Variants in KNSTRN observed in about 807,000 individuals in gnomAD.
KNSTRN encodes small kinetochore-associated protein.
A neutral mutation model predicts 44.7 loss-of-function variants in KNSTRN; 38 were observed. That is an observed-to-expected ratio of 0.85 (90% confidence interval 0.66 to 1.11). The LOEUF (loss-of-function observed/expected upper bound fraction) is 1.11, where lower values mean the gene tolerates loss of function less well. Among genes scored for constraint, KNSTRN ranks in the 50% most tolerant of loss-of-function variants. The pLI, the probability that KNSTRN is intolerant of heterozygous loss-of-function variation, is 0.00. For synonymous variants in KNSTRN, 158 were observed against 148.1 expected, an observed-to-expected ratio of 1.07 and a Z score of -0.48; for missense variants, 406 against 375.8, an observed-to-expected ratio of 1.08 and a Z score of -0.66.
Position 40,393,834 on chromosome 15 carries a change from A to G in KNSTRN, c.*237A>G. 3.1e-6 allele frequency: 1 copy of G among 322,142 alleles called. No individual in the cohort carries two copies. Among genetic ancestry groups the G allele is most frequent in the Non-Finnish European group, 5.8e-6 (1 of 172,566 alleles). The allele number at this position is 322,142 out of a possible 1,614,324, so 20.0% of individuals were successfully genotyped here. A position where few individuals can be genotyped will look rare whatever the true frequency, so the allele number is the denominator to read the frequency against. On this transcript the variant is annotated 3_prime_UTR_variant, in exon 9 of 9. Coordinates refer to ENST00000249776, the MANE Select transcript of KNSTRN (RefSeq NM_033286.4). Reference sequence around the variant, plus strand: ...TCACAGGTGGATAATTGAGGCCTACAAGAGAGGGGAGCCTAGGAGCTTGGA... The same window carrying G: ...TCACAGGTGGATAATTGAGGCCTACGAGAGAGGGGAGCCTAGGAGCTTGGA...
At chr15:40,389,812 T>C (rs1460793648) in intron 5 of KNSTRN, 24 bp from the exon 6 acceptor site, 3 of 1,607,928 alleles carry the variant, frequency 1.9e-6, no homozygotes, top group Non-Finnish European at 2.6e-6. Context: ...CAATTCCTGA[T>C]CTGTCTGTGC....
chr15:40,392,702 C>T (rs1890021053), intron 8 of KNSTRN, among the ~76,000 whole-genome samples: 1 of 152,234 alleles, frequency 6.6e-6, no homozygotes, highest in Non-Finnish European at 1.5e-5. Context: ...CCTCCGCCTC[C>T]CGGGTTCAAG....
chr15:40,392,115 C>A, intron 8 of KNSTRN, 92 bp downstream of exon 8: 1 of 763,398 alleles, frequency 1.3e-6, no homozygotes, highest in Non-Finnish European at 2.0e-6. Flanking sequence ...TTTTAATAAA[C>A]TTTCTAAATA....
chr15:40,383,840 C>G (rs1889857483), intron 2 of KNSTRN, among the ~76,000 whole-genome samples: 1 of 152,138 alleles, frequency 6.6e-6, no homozygotes, highest in Admixed American at 6.5e-5. Context: ...GAAACTTGGG[C>G]GAAGAGAGAG....
In KNSTRN at chr15:40,393,494, A is replaced by T. The variant is rs1462862636; in HGVS notation, c.848A>T (p.Lys283Ile). Residue 283 changes from lysine (K) to isoleucine (I), a missense_variant, in exon 9 of 9, where the codon AAA becomes ATA. Coordinates refer to ENST00000249776, the MANE Select transcript of KNSTRN (RefSeq NM_033286.4). ...LQALKVKLEMKEERVRFLEQQ... is the reference protein window; with the variant it reads ...LQALKVKLEMIEERVRFLEQQ... ...GCCTTAAAGGTAAAGCTGGAGATGA[A>T]AGAGGAAAGAGTCCGATTCCTAGAA... 6.2e-7 allele frequency: 1 copy of T among 1,613,872 alleles called. No individual in the cohort carries two copies. The highest frequency in any genetic ancestry group is 8.5e-7 in the Non-Finnish European group (1 of 1,179,932).
At chr15:40,384,553 G>A (rs967577847) in intron 2 of KNSTRN, 4 of 452,244 alleles carry the variant, frequency 8.8e-6, no homozygotes, top group Non-Finnish European at 1.8e-5. Flanking sequence ...CCTTAGATGC[G>A]GTGCCCCTGA....
Position 40,389,938 on chromosome 15 carries a change from C to G in KNSTRN, c.685+9C>G. Reference sequence around the variant, plus strand: ...CAAGGGCCTTGATCCAGGTAAGAGACAGCACACAGCTAGCCTCCTTTGAAG... The same window carrying G: ...CAAGGGCCTTGATCCAGGTAAGAGAGAGCACACAGCTAGCCTCCTTTGAAG... On this transcript the variant is annotated intron_variant, in intron 6 of 8. Coordinates refer to ENST00000249776, the MANE Select transcript of KNSTRN (RefSeq NM_033286.4). The G allele has an allele frequency of 6.2e-7, 1 of 1,607,852 alleles. No individual in the cohort carries two copies. Among genetic ancestry groups the G allele is most frequent in the Middle Eastern group, 1.7e-4 (1 of 6,054 alleles).
intron 4 of KNSTRN, among the ~76,000 whole-genome samples, chr15:40,388,873 TG>T (rs1283877526): frequency 6.6e-6 from 1 of 152,164 alleles, no homozygotes; most frequent in Non-Finnish European, 1.5e-5. Flanking sequence ...TGGCCAGATT[TG>T]GGGGGCCTGC....
At chr15:40,391,472 T>C in intron 6 of KNSTRN, 21 bp from the exon 7 acceptor site, 1 of 1,608,894 alleles carries the variant, frequency 6.2e-7, no homozygotes, top group East Asian at 2.2e-5. Flanking sequence ...TAAGTGAGAT[T>C]GACTTTGTTG....
In KNSTRN at chr15:40,382,820, G is replaced by C. The variant is rs946169866; in HGVS notation, c.-16G>C. ...CTAGGTCTGGCTCTGGCCTCTGAGCGAACCTTCCGTACAGTATGGCGGCTC... is the reference window on the plus strand; with the variant it reads ...CTAGGTCTGGCTCTGGCCTCTGAGCCAACCTTCCGTACAGTATGGCGGCTC... On this transcript the variant is annotated 5_prime_UTR_variant, in exon 1 of 9. Coordinates refer to ENST00000249776, the MANE Select transcript of KNSTRN (RefSeq NM_033286.4). 1.2e-6 allele frequency: 2 copies of C among 1,607,620 alleles called. No individual in the cohort carries two copies. The highest frequency in any genetic ancestry group is 3.4e-5 in the Admixed American group (2 of 59,120).
chr15:40,384,639 T>G (rs1036008621), intron 2 of KNSTRN: 18 of 339,508 alleles, frequency 5.3e-5, no homozygotes, highest in Non-Finnish European at 1.0e-4. Context: ...TGTCCCAGCT[T>G]TATGATCATA....
At chr15:40,386,634 T>TG in intron 3 of KNSTRN, 140 bp downstream of exon 3, 1 of 778,146 alleles carries the variant, frequency 1.3e-6, no homozygotes, top group Non-Finnish European at 2.0e-6. Context: ...AGTGCAGCAT[T>TG]GCTGAGCTCT....
At chr15:40,392,632 T>A (rs1890019653) in intron 8 of KNSTRN, among the ~76,000 whole-genome samples, 1 of 152,168 alleles carries the variant, frequency 6.6e-6, no homozygotes, top group African/African-American at 2.4e-5. Context: ...GGCAAGGAGA[T>A]AAAGTCTCAC....
Position 40,391,533 on chromosome 15 carries a change from T to C in KNSTRN, c.726T>C (p.Thr242=). ...SETLASRQES[T]TDHMDSMLLL... ...CCCTGGCATCACGACAAGAATCCAC[T>C]ACTGATCACATGGACTCTATGGTGA... Residue 242 remains threonine (T), a synonymous_variant, in exon 7 of 9, where the codon ACT becomes ACC. Coordinates refer to ENST00000249776, the MANE Select transcript of KNSTRN (RefSeq NM_033286.4). 2.5e-6 allele frequency: 4 copies of C among 1,613,978 alleles called. No individual in the cohort carries two copies. The highest frequency in any genetic ancestry group is 3.4e-6 in the Non-Finnish European group (4 of 1,179,874).
Position 40,391,473 on chromosome 15 carries a change from G to T in KNSTRN, c.686-20G>T. 6.2e-7 allele frequency: 1 copy of T among 1,609,578 alleles called. No individual in the cohort carries two copies. The highest frequency in any genetic ancestry group is 1.1e-5 in the South Asian group (1 of 90,946). The stretch of plus-strand genomic sequence containing the variant: ...GGTGTGTAGTTCCCTAAGTGAGATT[G>T]ACTTTGTTGTATCCATCAGCTTTAG... On this transcript the variant is annotated intron_variant, in intron 6 of 8. Coordinates refer to ENST00000249776, the MANE Select transcript of KNSTRN (RefSeq NM_033286.4).
chr15:40,390,542 G>A (rs1055323583), intron 6 of KNSTRN, among the ~76,000 whole-genome samples: 1 of 152,186 alleles, frequency 6.6e-6, no homozygotes, highest in Non-Finnish European at 1.5e-5. Context: ...CCAGGAAAGG[G>A]GCCCAGGCCT....
intron 8 of KNSTRN, among the ~76,000 whole-genome samples, chr15:40,392,918 A>G (rs74380208): frequency 0.013 from 1,924 of 152,096 alleles, 22 homozygotes; most frequent in Non-Finnish European, 0.02. Context: ...GCAGGAAAAA[A>G]ATTTTTTAAA....
At position 40,392,041 on chromosome 15, in the gene KNSTRN, C is replaced by T; in HGVS notation, c.822+18C>T. 1 of 1,564,956 alleles carries T rather than the reference C, an allele frequency of 6.4e-7. No individual in the cohort carries two copies. The highest frequency in any genetic ancestry group is 1.4e-5 in the African/African-American group (1 of 73,130). Reference sequence around the variant, plus strand: ...AGTTACAGGTGAGAGGCAGACATCACCCTGACCATTTCCTACCATGATAGG... The same window carrying T: ...AGTTACAGGTGAGAGGCAGACATCATCCTGACCATTTCCTACCATGATAGG... On this transcript the variant is annotated intron_variant, in intron 8 of 8. Coordinates refer to ENST00000249776, the MANE Select transcript of KNSTRN (RefSeq NM_033286.4).
At chr15:40,389,434 A>T (rs1009778337) in intron 4 of KNSTRN, 72 bp from the exon 5 acceptor site, 10 of 1,124,326 alleles carry the variant, frequency 8.9e-6, no homozygotes, top group African/African-American at 1.5e-5. Context: ...TACAGGCATG[A>T]GCTACCGCAC....
Sources: gnomAD v4.1 joint callset for allele counts (sites outside exome capture counted in the v4.1 genomes callset) on GRCh38, gnomAD v4.1.1 for gene constraint, MANE v1.5 for transcripts, NCBI Gene and HGNC (gene_info 2026-07-23, HGNC 2026-07-21) for gene names.